The following EZH1 variants were observed in gnomAD, a reference collection of about 807,000 sequenced individuals.
The protein encoded by EZH1 is enhancer of zeste 1 polycomb repressive complex 2 subunit.
In EZH1, 33 loss-of-function variants were observed where a neutral mutation model predicts 100.5. The ratio of observed to expected loss-of-function variants is 0.33; its 90% CI spans 0.25 to 0.44. The LOEUF (loss-of-function observed/expected upper bound fraction) is 0.44, where lower values mean the gene tolerates loss of function less well. Ranked by LOEUF, EZH1 falls within the 20% of genes least tolerant of loss-of-function variation. EZH1 has a pLI of 1.00. For missense variants in EZH1, 475 were observed against 928.4 expected (o/e 0.51, Z 6.35); for synonymous variants, 272 against 313.8 (o/e 0.87, Z 1.41).
chr17:42,708,375 C>T (rs1301156003), intron 14 of EZH1, among the ~76,000 whole-genome samples: 1 of 152,120 alleles, frequency 6.6e-6, no homozygotes, highest in Non-Finnish European at 1.5e-5. Flanking sequence ...CACATACTGG[C>T]CAGGCACAGT....
intron 19 of EZH1, chr17:42,703,197 C>T: frequency 2.2e-6 from 1 of 460,852 alleles, no homozygotes; most frequent in South Asian, 2.1e-5. Flanking sequence ...TTTTTTGAGA[C>T]AGAGTCTTGC....
chr17:42,730,877 T>C lies in EZH1; in HGVS notation c.-61A>G. 1.0e-6 allele frequency: 1 copy of C among 985,520 alleles called. No homozygotes were observed. The highest frequency in any genetic ancestry group is 1.2e-6 in the Non-Finnish European group (1 of 829,950). 61.0% of individuals were successfully genotyped at this position (985,520 alleles called of 1,614,324 possible). ...TGGGTTTTACAGTGTGCCTCTGTTCTTCAGGAGAATGGCAGGACACAACAG... is the reference window on the plus strand; with the variant it reads ...TGGGTTTTACAGTGTGCCTCTGTTCCTCAGGAGAATGGCAGGACACAACAG... On this transcript the variant is annotated 5_prime_UTR_variant, in exon 2 of 21. Transcript: ENST00000428826.
At chr17:42,728,166 T>G (rs1028792020) in intron 3 of EZH1, among the ~76,000 whole-genome samples, 1 of 139,354 alleles carries the variant, frequency 7.2e-6, no homozygotes, top group African/African-American at 2.7e-5. Flanking sequence ...CAGGCTGGAG[T>G]GCAGTGGTGC....
In EZH1 at chr17:42,717,884, T is replaced by A. The variant is rs1454205858; in HGVS notation, c.1023+92A>T. The A allele has an allele frequency of 3.6e-6, 4 of 1,123,362 alleles. No individual in the cohort carries two copies. The African/African-American group carries it at 6.2e-5, about 17-fold the overall frequency. 69.6% of individuals were successfully genotyped at this position (1,123,362 alleles called of 1,614,324 possible). A position where few individuals can be genotyped will look rare whatever the true frequency, so the allele number is the denominator to read the frequency against. ...AAGAGCAAAAGCCATGTTTTATTTG[T>A]GCTATATGACCCCCAGAGTGCTGTG... On this transcript the variant is annotated intron_variant, in intron 10 of 20. Coordinates refer to ENST00000428826, the MANE Select transcript of EZH1 (RefSeq NM_001991.5).
Position 42,720,293 on chromosome 17 carries a change from C to T in EZH1, c.644G>A (p.Arg215Lys). The change falls in exon 7 of 21, where the codon AGA (arginine) becomes AAA (lysine). Residue 215 changes from arginine to lysine, a missense_variant. This residue lies in a region of EZH1 where 180 missense variants were observed against 295.3 expected (regional missense o/e 0.61). Coordinates refer to ENST00000428826, the MANE Select transcript of EZH1 (RefSeq NM_001991.5). ...CGTACCTTCAATAGCATGTCGCTTT[C>T]TCTTTCTTGTTACTGGCAGATCTTC... ...SKEDLPVTRK[R>K]KRHAIEGNKK... 6.2e-7 allele frequency: 1 copy of T among 1,612,060 alleles called. No homozygotes were observed. Among genetic ancestry groups the T allele is most frequent in the Non-Finnish European group, 8.5e-7 (1 of 1,179,180 alleles).
intron 13 of EZH1, chr17:42,709,576 G>A: frequency 2.8e-6 from 1 of 351,096 alleles, no homozygotes. Flanking sequence ...GAGCCATGAG[G>A]CCAGCTCATG....
At chr17:42,741,502 G>A (rs1480798444) in intron 1 of EZH1, among the ~76,000 whole-genome samples, 1 of 152,150 alleles carries the variant, frequency 6.6e-6, no homozygotes, top group African/African-American at 2.4e-5. Context: ...GAGCCACAAC[G>A]TGGGGGGCCC....
chr17:42,719,033 C>A, intron 8 of EZH1, 72 bp downstream of exon 8: 1 of 1,221,938 alleles, frequency 8.2e-7, no homozygotes, highest in South Asian at 1.3e-5. Context: ...TTTTACTAAC[C>A]AAAAATTAGG....
intron 5 of EZH1, among the ~76,000 whole-genome samples, chr17:42,724,009 CTG>C (rs1223014122): frequency 6.6e-6 from 1 of 152,166 alleles, no homozygotes; most frequent in Non-Finnish European, 1.5e-5. Context: ...CTGCATTTAA[CTG>C]TACATAATAT....
At chr17:42,719,255 G>A (rs764659878) in intron 7 of EZH1, 48 bp from the exon 8 acceptor site, 25 of 1,377,644 alleles carry the variant, frequency 1.8e-5, no homozygotes, top group Non-Finnish European at 2.1e-5. Context: ...ATCAGAACAC[G>A]TAAACAAATC....
At chr17:42,729,161 C>T in intron 2 of EZH1, 5 of 423,456 alleles carry the variant, frequency 1.2e-5, no homozygotes. Context: ...AAAACCAACA[C>T]TTTAGGAAGC....
chr17:42,703,905 T>G lies in EZH1; in HGVS notation c.2018-85A>C, dbSNP rs1158766062. Reference sequence around the variant, plus strand: ...CTTGAATTTAAAATCAGTTAAATGGTAACAGAAACACTTTAGTCTGATGGG... The same window carrying G: ...CTTGAATTTAAAATCAGTTAAATGGGAACAGAAACACTTTAGTCTGATGGG... On this transcript the variant is annotated intron_variant, in intron 18 of 20. Transcript: ENST00000428826. The G allele has an allele frequency of 4.2e-6, 4 of 956,836 alleles. No individual in the cohort carries two copies. In the East Asian group the frequency reaches 9.6e-5, roughly 23 times the overall value. The allele number at this position is 956,836 out of a possible 1,614,324, so 59.3% of individuals were successfully genotyped here. A position where few individuals can be genotyped will look rare whatever the true frequency, so the allele number is the denominator to read the frequency against.
intron 13 of EZH1, 89 bp from the exon 14 acceptor site, chr17:42,709,005 ACTGT>A: frequency 6.8e-7 from 1 of 1,471,496 alleles, no homozygotes; most frequent in Non-Finnish European, 9.5e-7. Flanking sequence ...GCTCTGAGGG[ACTGT>A]GTTTGATGAC....
rs149304680 is a variant in EZH1 at position 42,722,620 on chromosome 17, C to T, written c.487+175G>A. Among the ~76,000 whole-genome samples, 379 of 116,520 alleles carry T rather than the reference C, an allele frequency of 3.3e-3. 2 individuals carry two copies. Among genetic ancestry groups the T allele is most frequent in the African/African-American group, 0.012 (358 of 30,072 alleles). The allele number at this position is 116,520 out of a possible 152,430, so 76.4% of individuals were successfully genotyped here. A position where few individuals can be genotyped will look rare whatever the true frequency, so the allele number is the denominator to read the frequency against. On this transcript the variant is annotated intron_variant, in intron 6 of 20. Coordinates refer to ENST00000428826, the MANE Select transcript of EZH1 (RefSeq NM_001991.5). ...AGCCTGGGCAACTAAGGCAAAACTC[C>T]GTCTCAAAAAAAAAAAAAAAAAAAA...
chr17:42,734,033 A>G (rs1048571298), intron 1 of EZH1, among the ~76,000 whole-genome samples: 2 of 149,890 alleles, frequency 1.3e-5, no homozygotes, highest in African/African-American at 2.4e-5. Context: ...GCTCATGATT[A>G]TATCTCATGC....
At chr17:42,712,904 G>A (rs2053514125) in intron 11 of EZH1, among the ~76,000 whole-genome samples, 1 of 152,028 alleles carries the variant, frequency 6.6e-6, no homozygotes, top group South Asian at 2.1e-4. Flanking sequence ...CGGGCGTGGT[G>A]GCAGGCACCT....
At chr17:42,721,445 G>C (rs542312455) in intron 6 of EZH1, among the ~76,000 whole-genome samples, 1 of 152,258 alleles carries the variant, frequency 6.6e-6, no homozygotes, top group Admixed American at 6.5e-5. Flanking sequence ...GTATGACAGA[G>C]AGCCTCATTG....
intron 1 of EZH1, among the ~76,000 whole-genome samples, chr17:42,743,641 T>C (rs1321644226): frequency 6.6e-6 from 1 of 151,728 alleles, no homozygotes; most frequent in Non-Finnish European, 1.5e-5. Flanking sequence ...GGCTATTTTT[T>C]TTTTGTAGAG....
At chr17:42,702,683 A>C (rs900929765) in intron 20 of EZH1, 91 bp from the exon 21 acceptor site, 2 of 1,361,624 alleles carry the variant, frequency 1.5e-6, no homozygotes, top group African/African-American at 2.9e-5. Flanking sequence ...TTCCCCTCCC[A>C]CTCCTTAAGG....
Sources: gnomAD v4.1 joint callset for allele counts (sites outside exome capture counted in the v4.1 genomes callset) on GRCh38, gnomAD v4.1.1 for gene constraint, gnomAD v4.1.1 regional missense constraint, MANE v1.5 for transcripts, NCBI Gene and HGNC (gene_info 2026-07-23, HGNC 2026-07-21) for gene names.